Variants in BDH1 observed in about 807,000 individuals in gnomAD.
BDH1 encodes the protein D-beta-hydroxybutyrate dehydrogenase, mitochondrial.
Under a neutral mutation model 33.1 loss-of-function variants are expected in BDH1, and 30 were observed. That is an observed-to-expected ratio of 0.91 (90% CI 0.68 to 1.23). The LOEUF is 1.23. BDH1 is among the 50% of genes most tolerant of loss of function. The probability of loss-of-function intolerance (pLI) is 0.00; values close to 1 mark genes in which losing one functional copy is unlikely to be tolerated. For synonymous variants in BDH1, 190 were observed against 183.6 expected, an observed-to-expected ratio of 1.03 and a Z score of -0.28; for missense variants, 443 against 464.4, an observed-to-expected ratio of 0.95 and a Z score of 0.42.
chr3:197,534,832 A>G (rs1415546348), intron 3 of BDH1, among the ~76,000 whole-genome samples: 1 of 152,204 alleles, frequency 6.6e-6, no homozygotes, highest in Non-Finnish European at 1.5e-5. Flanking sequence ...ATGGCTAATG[A>G]TGTTGAACAT....
chr3:197,545,688 A>C (rs1184723223), intron 3 of BDH1, among the ~76,000 whole-genome samples: 2 of 152,268 alleles, frequency 1.3e-5, no homozygotes, highest in African/African-American at 4.8e-5. Flanking sequence ...ATAGTATTCT[A>C]TCAATGGTAA....
chr3:197,548,874 A>C lies in BDH1; in HGVS notation c.-43-2388T>G, dbSNP rs114192458. On this transcript the variant is annotated intron_variant, in intron 2 of 7. Transcript: ENST00000392379. ...TCAAAAACAAAAATAACAAAAAAAA[A>C]CAAAAAAAACACAAAAAACTCAGTC... is the stretch of plus-strand genomic sequence containing the variant. Among the ~76,000 whole-genome samples the C allele has an allele frequency of 6.1e-3, 818 of 134,766 alleles. 1 individual carries two copies. Among genetic ancestry groups the C allele is most frequent in the Non-Finnish European group, 8.2e-3 (478 of 57,952 alleles). The allele number at this position is 134,766 out of a possible 152,430, so 88.4% of individuals were successfully genotyped here. A position where few individuals can be genotyped will look rare whatever the true frequency, so the allele number is the denominator to read the frequency against.
chr3:197,553,045 G>A (rs1025068376), intron 2 of BDH1, among the ~76,000 whole-genome samples: 3 of 152,056 alleles, frequency 2.0e-5, no homozygotes, highest in Admixed American at 2.0e-4. Context: ...AGCCTCCCAA[G>A]TAACTGGGGT....
Position 197,554,757 on chromosome 3 carries a change from A to G in BDH1, c.-195-44T>C, listed in dbSNP as rs1440421670. The G allele has an allele frequency of 4.6e-5, 7 of 151,274 alleles. No individual in the cohort carries two copies. Among genetic ancestry groups the G allele is most frequent in the Non-Finnish European group, 7.4e-5 (5 of 67,924 alleles). 9.4% of individuals were successfully genotyped at this position (151,274 alleles called of 1,614,324 possible). On this transcript the variant is annotated intron_variant, in intron 1 of 7. Transcript: ENST00000392379. The surrounding 1 kb of genome is among the most constrained non-coding windows in gnomAD (Gnocchi z 4.4). ...AAACGCGGAGTTCGACGCCGCGCGC[A>G]GCACCAAACACTTCCCCAGAAGGGC... is the stretch of plus-strand genomic sequence containing the variant.
intron 3 of BDH1, 46 bp from the exon 4 acceptor site, chr3:197,533,607 A>G: frequency 6.3e-6 from 10 of 1,585,324 alleles, no homozygotes; most frequent in African/African-American, 4.0e-5. Flanking sequence ...GACTAGACAG[A>G]CCCTCAGCCA....
chr3:197,545,480 T>A (rs1207761092), intron 3 of BDH1, among the ~76,000 whole-genome samples: 1 of 152,086 alleles, frequency 6.6e-6, no homozygotes, highest in Non-Finnish European at 1.5e-5. Context: ...AAACCCAAAC[T>A]GAGAGACATT....
chr3:197,546,116 A>G (rs968345605), intron 3 of BDH1: 7 of 378,070 alleles, frequency 1.9e-5, no homozygotes, highest in Middle Eastern at 7.6e-4. Flanking sequence ...CAGCCTGGCA[A>G]CAGAGTGAGA....
At chr3:197,538,292 G>A (rs1715318745) in intron 3 of BDH1, 2 of 456,640 alleles carry the variant, frequency 4.4e-6, no homozygotes, top group Non-Finnish European at 8.8e-6. Context: ...AAAAGAGATG[G>A]GAGATAGACT....
At chr3:197,556,820 G>T (rs908792655), upstream of BDH1, among the ~76,000 whole-genome samples, 1 of 152,194 alleles carries the variant, frequency 6.6e-6, no homozygotes, top group African/African-American at 2.4e-5. Flanking sequence ...ATCGCCCTGC[G>T]CCAGCACACC....
Position 197,514,501 on chromosome 3 carries a change from T to C in BDH1, c.410-85A>G. On this transcript the variant is annotated intron_variant, in intron 6 of 7. Transcript: ENST00000392379. This position sits in a 1 kb window ranked among gnomAD's most constrained non-coding sequence, Gnocchi z 4.2. ...TCAGCCTGCAGGCCAGCCTCCTCTC[T>C]GCTTCTTTCCTGTGACTTCCCAGCC... is the stretch of plus-strand genomic sequence containing the variant. The C allele has an allele frequency of 7.0e-7, 1 of 1,429,896 alleles. No individual in the cohort carries two copies. Among genetic ancestry groups the C allele is most frequent in the Non-Finnish European group, 9.4e-7 (1 of 1,065,628 alleles). 88.6% of individuals were successfully genotyped at this position (1,429,896 alleles called of 1,614,324 possible).
At position 197,514,825 on chromosome 3, in the gene BDH1, C is replaced by CTCACGTCT. The variant is rs1712515599; in HGVS notation, c.410-417_410-410dup. On this transcript the variant is annotated intron_variant, in intron 6 of 7. Coordinates refer to ENST00000392379, the MANE Select transcript of BDH1 (RefSeq NM_203314.3). This position sits in a 1 kb window ranked among gnomAD's most constrained non-coding sequence, Gnocchi z 4.2. ...ACTCATCTCTGCCCTTGAGCTTTTG[C>CTCACGTCT]TCACGTCTTCTCTTCTCTTGCCAGA... 6.6e-6 allele frequency among the ~76,000 whole-genome samples: 1 copy of CTCACGTCT among 152,196 alleles called. No homozygotes were observed. Among genetic ancestry groups the CTCACGTCT allele is most frequent in the South Asian group, 2.1e-4 (1 of 4,828 alleles).
At position 197,531,416 on chromosome 3, in the gene BDH1, AAAAT is replaced by A. The variant is rs374986074; in HGVS notation, c.267+992_267+995del. ...TGTCTCAAAAACATAAATTAAAAAA[AAAAT>A]ATATATATATATATATGTGTATATA... is the stretch of plus-strand genomic sequence containing the variant. On this transcript the variant is annotated intron_variant, in intron 5 of 7. Transcript: ENST00000392379. Among the ~76,000 whole-genome samples the A allele has an allele frequency of 9.1e-5, 11 of 121,036 alleles. 1 individual carries two copies. Among genetic ancestry groups the A allele is most frequent in the Admixed American group, 4.8e-4 (6 of 12,398 alleles). The allele number at this position is 121,036 out of a possible 152,430, so 79.4% of individuals were successfully genotyped here.
At chr3:197,530,968 A>C (rs1714587668) in intron 5 of BDH1, among the ~76,000 whole-genome samples, 1 of 152,262 alleles carries the variant, frequency 6.6e-6, no homozygotes. Context: ...TTAACAGTTT[A>C]CATATTCAGA....
Position 197,520,390 on chromosome 3 carries a change from G to A in BDH1, c.409+2250C>T, listed in dbSNP as rs988059322. On this transcript the variant is annotated intron_variant, in intron 6 of 7. Coordinates refer to ENST00000392379, the MANE Select transcript of BDH1 (RefSeq NM_203314.3). The surrounding 1 kb of genome is among the most constrained non-coding windows in gnomAD (Gnocchi z 6.0). Reference sequence around the variant, plus strand: ...GGAAAAGCAGCAGGGAAAGGTCTGCGCGTCAGGCTGGTGCTGGGGTTGGAG... The same window carrying A: ...GGAAAAGCAGCAGGGAAAGGTCTGCACGTCAGGCTGGTGCTGGGGTTGGAG... 6.6e-5 allele frequency among the ~76,000 whole-genome samples: 10 copies of A among 152,348 alleles called. No homozygotes were observed. Among genetic ancestry groups the A allele is most frequent in the African/African-American group, 1.9e-4 (8 of 41,576 alleles).
intron 6 of BDH1, among the ~76,000 whole-genome samples, chr3:197,519,931 C>T (rs946166847): frequency 6.6e-6 from 1 of 152,156 alleles, no homozygotes; most frequent in Admixed American, 6.5e-5. Context: ...TTGGCAGCAA[C>T]TGTTCCACAG....
intron 1 of BDH1, among the ~76,000 whole-genome samples, chr3:197,568,130 C>T (rs1250187369): frequency 1.3e-5 from 2 of 152,190 alleles, no homozygotes; most frequent in Non-Finnish European, 2.9e-5. Context: ...CAGGTTAAAT[C>T]CTGCCCTTAG....
At chr3:197,539,746 C>A (rs1715443765) in intron 3 of BDH1, among the ~76,000 whole-genome samples, 1 of 152,210 alleles carries the variant, frequency 6.6e-6, no homozygotes, top group Non-Finnish European at 1.5e-5. Context: ...CGCAAGAAGA[C>A]AGCTTCAATT....
In BDH1 at chr3:197,514,395, T is replaced by C. The variant is rs769939573; in HGVS notation, c.431A>G (p.Asn144Ser). 2 of 1,611,222 alleles carry C rather than the reference T, an allele frequency of 1.2e-6. No individual in the cohort carries two copies. The highest frequency in any genetic ancestry group is 1.7e-6 in the Non-Finnish European group (2 of 1,178,442). ...PEKGMWGLVN[N>S]AGISTFGEVE... ...CTCCCCGAACGTTGAGATGCCGGCA[T>C]TGTTAACGAGGCCCCACATGCCTGG... is the stretch of plus-strand genomic sequence containing the variant. The change falls in exon 7 of 8, where the codon AAT becomes AGT. Residue 144 changes from asparagine to serine, a missense_variant. Coordinates refer to ENST00000392379, the MANE Select transcript of BDH1 (RefSeq NM_203314.3). This position sits in a 1 kb window ranked among gnomAD's most constrained non-coding sequence, Gnocchi z 4.2.
Position 197,525,222 on chromosome 3 carries a change from G to A in BDH1, c.268-2441C>T, listed in dbSNP as rs1713975580. Among the ~76,000 whole-genome samples, 1 of 152,188 alleles carries A rather than the reference G, an allele frequency of 6.6e-6. No homozygotes were observed. Among genetic ancestry groups the A allele is most frequent in the Non-Finnish European group, 1.5e-5 (1 of 68,030 alleles). On this transcript the variant is annotated intron_variant, in intron 5 of 7. Transcript: ENST00000392379. The surrounding 1 kb of genome is among the most constrained non-coding windows in gnomAD (Gnocchi z 4.9). ...GCACACAGGTACCAGGAAAACACGT[G>A]TCTTGCTTTAATGCAGTCTTCCACC...
Sources: allele counts gnomAD v4.1 joint callset (sites outside exome capture counted in the v4.1 genomes callset), GRCh38; gene constraint gnomAD v4.1.1; non-coding constraint Gnocchi (gnomAD v3.1); transcripts MANE v1.5; gene names NCBI Gene and HGNC (gene_info 2026-07-23, HGNC 2026-07-21).